TANC2: variants seen among roughly 807,000 people sequenced by gnomAD.
The protein encoded by TANC2 is protein TANC2.
Under a neutral mutation model 210.5 loss-of-function variants are expected in TANC2, and 26 were observed. The ratio of observed to expected loss-of-function variants is 0.12; its 90% CI spans 0.09 to 0.17. TANC2 has a LOEUF of 0.17. TANC2 is among the 10% of genes least tolerant of loss of function. The probability of loss-of-function intolerance (pLI) is 1.00; values close to 1 mark genes in which losing one functional copy is unlikely to be tolerated. For missense variants in TANC2, 2,129 were observed against 2,608.9 expected (o/e 0.82, Z 4.01); for synonymous variants, 931 against 967.1 (o/e 0.96, Z 0.69).
chr17:63,384,829 T>G (rs1399945184), intron 15 of TANC2, among the ~76,000 whole-genome samples: 15 of 152,120 alleles, frequency 9.9e-5, no homozygotes, highest in African/African-American at 3.6e-4. Flanking sequence ...TGGAAAATGG[T>G]TTGGAATTAA....
exon 4 of TANC2, chr17:63,099,238 T>C: frequency 6.2e-7 from 1 of 1,610,380 alleles, no homozygotes; most frequent in Non-Finnish European, 8.5e-7. Flanking sequence ...CCACTTCCAG[T>C]GAGTGAAGGT....
chr17:63,065,090 C>T (rs188375476), intron 2 of TANC2, among the ~76,000 whole-genome samples: 447 of 152,288 alleles, frequency 2.9e-3, no homozygotes, highest in Non-Finnish European at 4.9e-3. Flanking sequence ...CCATTCTACT[C>T]TGTTTCAGTT....
chr17:63,139,772 C>G (rs890778645), intron 4 of TANC2, among the ~76,000 whole-genome samples: 135 of 152,262 alleles, frequency 8.9e-4, no homozygotes, highest in African/African-American at 3.2e-3. Flanking sequence ...GGTGTGGTGG[C>G]ATGCGCCTGT....
chr17:63,415,687 C>T lies in TANC2; in HGVS notation c.4167+13C>T. ...CAGGAAAATGAACGTAAGTCCCTGT[C>T]ACCCCAACTCCTTTCTGCAATCCTG... On this transcript the variant is annotated intron_variant, in intron 26 of 27. Transcript: ENST00000689528. 1.2e-6 allele frequency: 2 copies of T among 1,610,246 alleles called. No individual in the cohort carries two copies. Among genetic ancestry groups the T allele is most frequent in the Non-Finnish European group, 1.7e-6 (2 of 1,178,156 alleles).
intron 9 of TANC2, among the ~76,000 whole-genome samples, chr17:63,281,040 C>G (rs1267173016): frequency 6.6e-6 from 1 of 151,994 alleles, no homozygotes; most frequent in Non-Finnish European, 1.5e-5. Context: ...TGGACTAAGC[C>G]TTCCATGGAT....
At chr17:63,185,327 A>G (rs953231684) in intron 5 of TANC2, among the ~76,000 whole-genome samples, 11 of 151,784 alleles carry the variant, frequency 7.2e-5, no homozygotes, top group Non-Finnish European at 1.2e-4. Context: ...TTCTGACCTA[A>G]AGTGATCCAC....
At chr17:63,029,494 T>TA (rs1235485929) in intron 2 of TANC2, among the ~76,000 whole-genome samples, 2 of 152,138 alleles carry the variant, frequency 1.3e-5, no homozygotes, top group Non-Finnish European at 2.9e-5. Context: ...AAAAATTAGA[T>TA]ATAACTAGTT....
At chr17:63,415,779 G>A (rs2048840917) in intron 26 of TANC2, 105 bp downstream of exon 26, 1 of 1,406,294 alleles carries the variant, frequency 7.1e-7, no homozygotes, top group Non-Finnish European at 9.6e-7. Flanking sequence ...TGCCCCATTT[G>A]GAACTTGGTT....
chr17:63,195,138 C>T (rs376824827), intron 6 of TANC2, among the ~76,000 whole-genome samples: 1 of 152,152 alleles, frequency 6.6e-6, no homozygotes. Flanking sequence ...CCTCAAGCCT[C>T]ACTCCTTAGG....
chr17:63,205,368 A>AAAAAAAC (rs1194583971), intron 7 of TANC2, among the ~76,000 whole-genome samples: 2 of 148,994 alleles, frequency 1.3e-5, no homozygotes, highest in African/African-American at 2.5e-5. Flanking sequence ...AAAAAAAAAA[A>AAAAAAAC]AAAACCTCAT....
At chr17:63,151,485 C>G (rs1009905482) in intron 5 of TANC2, 105 bp downstream of exon 5, 1 of 426,788 alleles carries the variant, frequency 2.3e-6, no homozygotes, top group Non-Finnish European at 3.1e-6. Context: ...AACATGTTAC[C>G]TCTTTTGCAA....
At chr17:63,269,041 T>C (rs1156691003) in intron 9 of TANC2, among the ~76,000 whole-genome samples, 1 of 152,210 alleles carries the variant, frequency 6.6e-6, no homozygotes, top group Non-Finnish European at 1.5e-5. Flanking sequence ...CTCTAAGCAG[T>C]ATAGTGCCAC....
intron 5 of TANC2, among the ~76,000 whole-genome samples, chr17:63,192,165 C>A (rs1382496631): frequency 6.6e-6 from 1 of 152,134 alleles, no homozygotes; most frequent in Non-Finnish European, 1.5e-5. Context: ...TTATAGAGTG[C>A]ACGACAGATA....
intron 14 of TANC2, among the ~76,000 whole-genome samples, chr17:63,365,938 G>T (rs573428007): frequency 1.3e-5 from 2 of 151,846 alleles, no homozygotes; most frequent in Non-Finnish European, 2.9e-5. Context: ...GTGAATACTC[G>T]TTTTTGTCCA....
chr17:63,166,023 A>C (rs1245189114), intron 5 of TANC2, among the ~76,000 whole-genome samples: 3 of 152,194 alleles, frequency 2.0e-5, no homozygotes, highest in Non-Finnish European at 4.4e-5. Context: ...ATCATCATAC[A>C]TTGATGTGCA....
chr17:63,161,069 C>T (rs898244272), intron 5 of TANC2, among the ~76,000 whole-genome samples: 7 of 152,278 alleles, frequency 4.6e-5, no homozygotes, highest in Admixed American at 2.6e-4. Context: ...TAGGCTTGCT[C>T]GCTACCTGAA....
intron 8 of TANC2, among the ~76,000 whole-genome samples, chr17:63,249,891 A>G (rs898681153): frequency 6.6e-6 from 1 of 152,172 alleles, no homozygotes; most frequent in African/African-American, 2.4e-5. Context: ...GTGGCAACTG[A>G]TATAAGAAGA....
At chr17:63,114,439 A>G (rs950095846) in intron 4 of TANC2, among the ~76,000 whole-genome samples, 2 of 152,168 alleles carry the variant, frequency 1.3e-5, no homozygotes, top group African/African-American at 2.4e-5. Context: ...GGGATCACAT[A>G]TATGATTTTT....
At chr17:63,348,743 T>C (rs1018517131) in intron 12 of TANC2, among the ~76,000 whole-genome samples, 1 of 151,646 alleles carries the variant, frequency 6.6e-6, no homozygotes, top group Admixed American at 6.6e-5. Context: ...TATTTGTAAA[T>C]TTTTTTTAAG....
Sources: gnomAD v4.1 joint callset for allele counts (sites outside exome capture counted in the v4.1 genomes callset) on GRCh38, gnomAD v4.1.1 for gene constraint, MANE v1.5 for transcripts, NCBI Gene and HGNC (gene_info 2026-07-23, HGNC 2026-07-21) for gene names.